The following LIMCH1 variants were observed in gnomAD, a reference collection of about 807,000 sequenced individuals.
The protein encoded by LIMCH1 is LIM and calponin homology domains 1.
A neutral mutation model predicts 176.5 loss-of-function variants in LIMCH1; 113 were observed. The ratio of observed to expected loss-of-function variants is 0.64; its 90% confidence interval spans 0.55 to 0.75. LIMCH1 has a LOEUF of 0.75. Ranked by LOEUF, LIMCH1 falls within the 30% of genes least tolerant of loss-of-function variation. The probability of loss-of-function intolerance (pLI) is 0.00; values close to 1 mark genes in which losing one functional copy is unlikely to be tolerated. For missense variants in LIMCH1, 1,674 were observed against 1,814.9 expected, an observed-to-expected ratio of 0.92 and a Z score of 1.41; for synonymous variants, 619 against 645.9, an observed-to-expected ratio of 0.96 and a Z score of 0.63.
chr4:41,479,702 G>A (rs2068278608), intron 1 of LIMCH1, among the ~76,000 whole-genome samples: 1 of 152,118 alleles, frequency 6.6e-6, no homozygotes, highest in Non-Finnish European at 1.5e-5. Flanking sequence ...TGGTCATTAT[G>A]TCTCATAAAT....
chr4:41,662,984 G>A lies in LIMCH1; in HGVS notation c.3291G>A (p.Lys1097=). 6.2e-7 allele frequency: 1 copy of A among 1,613,390 alleles called. No individual in the cohort carries two copies. Among genetic ancestry groups the A allele is most frequent in the Non-Finnish European group, 8.5e-7 (1 of 1,179,644 alleles). ...SGKVELVLSQ[K]VVKPKSPEPE... is the part of the protein sequence containing the mutation. ...AGGTGGAGTTGGTGCTGTCACAAAA[G>A]GTGAAGTGCAGAGTGGAGGAAAGCG... Residue 1097 remains lysine, a splice_region_variant and synonymous_variant, in exon 20 of 32, where the codon AAG becomes AAA. Coordinates refer to ENST00000503057, the MANE Select transcript of LIMCH1 (RefSeq NM_001330672.2).
intron 3 of LIMCH1, among the ~76,000 whole-genome samples, chr4:41,604,663 T>C (rs2090444946): frequency 6.6e-6 from 1 of 152,200 alleles, no homozygotes; most frequent in Admixed American, 6.5e-5. Context: ...CTATTTTCCA[T>C]TCCCCCGTTA....
chr4:41,505,558 A>T (rs1021257956), intron 2 of LIMCH1, among the ~76,000 whole-genome samples: 1 of 151,980 alleles, frequency 6.6e-6, no homozygotes, highest in South Asian at 2.1e-4. Flanking sequence ...TGGTGATGTC[A>T]TTTTCTCCCA....
At chr4:41,413,585 G>C (rs1294674782) in intron 1 of LIMCH1, among the ~76,000 whole-genome samples, 1 of 150,872 alleles carries the variant, frequency 6.6e-6, no homozygotes, top group Non-Finnish European at 1.5e-5. Context: ...TGATCCTCCT[G>C]TCTCAGCTTC....
rs571552235 is a variant in LIMCH1 at position 41,679,101 on chromosome 4, G to A, written c.3520-905G>A. 7.2e-5 allele frequency among the ~76,000 whole-genome samples: 11 copies of A among 152,280 alleles called. No homozygotes were observed. In the South Asian group the frequency reaches 2.3e-3, roughly 32 times the overall value. On this transcript the variant is annotated intron_variant, in intron 23 of 31. Coordinates refer to ENST00000503057, the MANE Select transcript of LIMCH1 (RefSeq NM_001330672.2). ...GTGATGCCTGGAGGAAATCTCAGTG[G>A]CTTCCCCATGAAGACAGAAGCAGAC...
At chr4:41,439,060 G>A (rs2062417495) in intron 1 of LIMCH1, among the ~76,000 whole-genome samples, 2 of 152,172 alleles carry the variant, frequency 1.3e-5, no homozygotes, top group South Asian at 2.1e-4. Context: ...AGTGCAGTTG[G>A]GAGGCTAGGA....
chr4:41,646,416 G>T (rs532910472), intron 16 of LIMCH1, 69 bp from the exon 17 acceptor site: 2 of 1,557,928 alleles, frequency 1.3e-6, no homozygotes, highest in African/African-American at 2.7e-5. Flanking sequence ...TGCTACCTTC[G>T]TTTCTACCAA....
chr4:41,460,964 C>A (rs532572846), intron 1 of LIMCH1, among the ~76,000 whole-genome samples: 1 of 152,096 alleles, frequency 6.6e-6, no homozygotes, highest in East Asian at 1.9e-4. Flanking sequence ...AAATGATCTC[C>A]GACTGGCTCT....
chr4:41,621,595 A>G (rs2092583902), intron 7 of LIMCH1, among the ~76,000 whole-genome samples: 1 of 151,386 alleles, frequency 6.6e-6, no homozygotes, highest in Admixed American at 6.6e-5. Context: ...TCTGCTTCCC[A>G]GGTTCAAGCA....
rs549500215 is a variant in LIMCH1 at position 41,667,791 on chromosome 4, CA to C, written c.3397+1129del. Among the ~76,000 whole-genome samples, 84 of 152,124 alleles carry C rather than the reference CA, an allele frequency of 5.5e-4. 1 individual carries two copies. Among genetic ancestry groups the C allele is most frequent in the Middle Eastern group, 3.4e-3 (1 of 294 alleles). ...TCCACAACCCAGAGGGACTATGCTT[CA>C]AAACAACTAGACCGCTGAGTTTTAC... is the stretch of plus-strand genomic sequence containing the variant. On this transcript the variant is annotated intron_variant, in intron 21 of 31. Transcript: ENST00000503057.
At chr4:41,549,146 T>G (rs1475241339) in intron 1 of LIMCH1, among the ~76,000 whole-genome samples, 1 of 152,126 alleles carries the variant, frequency 6.6e-6, no homozygotes, top group Non-Finnish European at 1.5e-5. Context: ...TGCCTTGGCC[T>G]CCCAAAGTGC....
chr4:41,473,304 G>A (rs370713405), intron 1 of LIMCH1: 16 of 462,488 alleles, frequency 3.5e-5, no homozygotes, highest in East Asian at 3.1e-4. Flanking sequence ...CACTACCAAC[G>A]TGTTGCATAA....
At chr4:41,618,982 G>T (rs1280406651) in intron 5 of LIMCH1, among the ~76,000 whole-genome samples, 2 of 152,072 alleles carry the variant, frequency 1.3e-5, no homozygotes, top group Admixed American at 1.3e-4. Context: ...CCCTTGTCAG[G>T]TTTTTTTCCT....
intron 7 of LIMCH1, among the ~76,000 whole-genome samples, chr4:41,621,596 G>A (rs1410556941): frequency 1.3e-5 from 2 of 151,766 alleles, no homozygotes; most frequent in African/African-American, 4.8e-5. Context: ...CTGCTTCCCA[G>A]GTTCAAGCAA....
At chr4:41,469,335 C>A (rs1000373440) in intron 1 of LIMCH1, among the ~76,000 whole-genome samples, 1 of 152,224 alleles carries the variant, frequency 6.6e-6, no homozygotes, top group African/African-American at 2.4e-5. Context: ...AGAAATCATA[C>A]TATGCTGGTC....
At chr4:41,366,445 C>T (rs1024704729) in intron 1 of LIMCH1, among the ~76,000 whole-genome samples, 12 of 152,142 alleles carry the variant, frequency 7.9e-5, no homozygotes, top group Non-Finnish European at 5.9e-5. Flanking sequence ...TATAATAGAA[C>T]ACCTCATATG....
chr4:41,540,883 C>T (rs1485574329), intron 1 of LIMCH1, among the ~76,000 whole-genome samples: 2 of 152,296 alleles, frequency 1.3e-5, no homozygotes, highest in African/African-American at 2.4e-5. Context: ...TCAAGGGCTG[C>T]TGGGCAGTGT....
chr4:41,680,111 C>G lies in LIMCH1; in HGVS notation c.3612+13C>G, dbSNP rs745422238. 4 of 1,561,342 alleles carry G rather than the reference C, an allele frequency of 2.6e-6. No individual in the cohort carries two copies. Among genetic ancestry groups the G allele is most frequent in the Non-Finnish European group, 2.6e-6 (3 of 1,142,034 alleles). On this transcript the variant is annotated intron_variant, in intron 24 of 31. Coordinates refer to ENST00000503057, the MANE Select transcript of LIMCH1 (RefSeq NM_001330672.2). ...ATACTATGAGGAGGTAGGAAATTCC[C>G]AAGAAGGAATTTGACCTTGTCATCC...
chr4:41,687,343 A>G (rs576341757), intron 28 of LIMCH1, among the ~76,000 whole-genome samples: 7 of 152,222 alleles, frequency 4.6e-5, no homozygotes, highest in African/African-American at 1.7e-4. Flanking sequence ...ACGTATCCAT[A>G]ATGAATTTGT....
Sources: gnomAD v4.1 joint callset for allele counts (sites outside exome capture counted in the v4.1 genomes callset) on GRCh38, gnomAD v4.1.1 for gene constraint, MANE v1.5 for transcripts, NCBI Gene and HGNC (gene_info 2026-07-23, HGNC 2026-07-21) for gene names.